The following PTPRT variants were observed in gnomAD, a reference collection of about 807,000 sequenced individuals.
PTPRT encodes the protein protein tyrosine phosphatase receptor type T, also known as receptor-type tyrosine-protein phosphatase T.
PTPRT carries 56 observed loss-of-function variants against 176.8 expected under a neutral mutation model. The observed-to-expected ratio is 0.32, with a 90% CI of 0.26 to 0.40. PTPRT has a LOEUF of 0.40. Ranked by LOEUF, PTPRT falls within the 10% of genes least tolerant of loss-of-function variation. The probability of loss-of-function intolerance (pLI) is 1.00; values close to 1 mark genes in which losing one functional copy is unlikely to be tolerated. For synonymous variants in PTPRT, 783 were observed against 739.0 expected, an observed-to-expected ratio of 1.06 and a Z score of -0.96; for missense variants, 1,540 against 1,908.2, an observed-to-expected ratio of 0.81 and a Z score of 3.60.
chr20:42,529,697 G>A (rs1298691202), intron 7 of PTPRT, among the ~76,000 whole-genome samples: 1 of 151,854 alleles, frequency 6.6e-6, no homozygotes, highest in African/African-American at 2.4e-5. Flanking sequence ...CAGTTGGCCA[G>A]GCTGGTCTCG....
intron 7 of PTPRT, among the ~76,000 whole-genome samples, chr20:42,665,108 T>C: frequency 6.6e-6 from 1 of 151,860 alleles, no homozygotes; most frequent in Non-Finnish European, 1.5e-5. Context: ...TGGGATCTAA[T>C]TAAACTAAAG....
At chr20:42,384,809 G>C (rs1355289810) in intron 9 of PTPRT, among the ~76,000 whole-genome samples, 1 of 152,154 alleles carries the variant, frequency 6.6e-6, no homozygotes, top group Non-Finnish European at 1.5e-5. Context: ...ATATCTCACT[G>C]TGGTTTTGAT....
chr20:42,042,266 G>A, the PTPRT span, among the ~76,000 whole-genome samples: 4 of 152,070 alleles, frequency 2.6e-5, no homozygotes, highest in Non-Finnish European at 5.9e-5. Flanking sequence ...AATTCACTCT[G>A]CCAAGCATTA....
At chr20:42,948,869 G>T (rs1981053811) in intron 1 of PTPRT, among the ~76,000 whole-genome samples, 1 of 152,180 alleles carries the variant, frequency 6.6e-6, no homozygotes, top group South Asian at 2.1e-4. Flanking sequence ...CTGAGCATCA[G>T]ACCCACGTAT....
chr20:42,609,200 AG>A (rs1280232089), intron 7 of PTPRT, among the ~76,000 whole-genome samples: 1 of 151,976 alleles, frequency 6.6e-6, no homozygotes, highest in Non-Finnish European at 1.5e-5. Context: ...CAGCCTCCTA[AG>A]TAGCTGGTAC....
chr20:42,766,235 T>C (rs2076980863), intron 5 of PTPRT, among the ~76,000 whole-genome samples: 1 of 152,220 alleles, frequency 6.6e-6, no homozygotes. Flanking sequence ...CAAAGTTACA[T>C]GTCTGGATTC....
chr20:42,048,676 G>A, the PTPRT span, among the ~76,000 whole-genome samples: 3 of 152,118 alleles, frequency 2.0e-5, no homozygotes, highest in East Asian at 3.9e-4. Flanking sequence ...TAGCCATTAA[G>A]TCCTCCCAGT....
At chr20:42,146,454 C>G (rs1319788276) in intron 17 of PTPRT, among the ~76,000 whole-genome samples, 1 of 152,126 alleles carries the variant, frequency 6.6e-6, no homozygotes, top group African/African-American at 2.4e-5. Context: ...AGCTTAAGGT[C>G]TCTTTATGAC....
intron 1 of PTPRT, among the ~76,000 whole-genome samples, chr20:42,955,869 G>C (rs1036926502): frequency 6.9e-6 from 1 of 144,650 alleles, no homozygotes; most frequent in African/African-American, 2.6e-5. Context: ...GGGAGGGAGG[G>C]AGGGAGGGAG....
In PTPRT at chr20:42,352,233, T is replaced by A. The variant is rs372526838; in HGVS notation, c.1613A>T (p.Gln538Leu). ...CCGGAGCTTGAACACTTTCCCCCTC[T>A]GGCTCGAGAGGTCAGCACTTGGGTC... ...SLDPSADLSS[Q>L]RGKVFKLRNE... is the part of the protein sequence containing the mutation. The change falls in exon 10 of 31, where the codon CAG becomes CTG. Residue 538 changes from glutamine to leucine, a missense_variant. By Grantham distance (113) the Gln-to-Leu change is moderately radical. Around this residue, in one of 11 missense-constraint regions of PTPRT, gnomAD observed 136 missense variants for 135.0 expected, o/e 1.01. Coordinates refer to ENST00000373187, the MANE Select transcript of PTPRT (RefSeq NM_007050.6). 27 of 1,614,164 alleles carry A rather than the reference T, an allele frequency of 1.7e-5. No individual in the cohort carries two copies. In the African/African-American group the frequency reaches 3.1e-4, roughly 18 times the overall value.
chr20:42,655,267 A>T (rs2075104430), intron 7 of PTPRT, among the ~76,000 whole-genome samples: 1 of 152,222 alleles, frequency 6.6e-6, no homozygotes, highest in South Asian at 2.1e-4. Flanking sequence ...AGGCAGGTGG[A>T]TCACTTGAGT....
chr20:42,773,416 G>A (rs527999465), intron 4 of PTPRT, among the ~76,000 whole-genome samples: 48 of 152,192 alleles, frequency 3.2e-4, no homozygotes, highest in African/African-American at 1.2e-3. Context: ...ATATCTCACT[G>A]AAACCCCCAA....
rs116446466 is a variant in PTPRT, at chr20:42,486,363, G to A, written c.1154-13801C>T. 3.5e-3 allele frequency among the ~76,000 whole-genome samples: 535 copies of A among 152,222 alleles called. 5 individuals are homozygous for A. Among genetic ancestry groups the A allele is most frequent in the African/African-American group, 0.012 (484 of 41,544 alleles). ...GCTCTCCTTAAATGTCATCAGTCTC[G>A]ATGCCTTTTCCACTTTCCATCTTCC... On this transcript the variant is annotated intron_variant, in intron 7 of 30. Transcript: ENST00000373187.
chr20:42,533,653 G>C (rs1189635445), intron 7 of PTPRT, among the ~76,000 whole-genome samples: 1 of 152,178 alleles, frequency 6.6e-6, no homozygotes, highest in East Asian at 1.9e-4. Flanking sequence ...CTCTAAAATA[G>C]GGATGATTAC....
At chr20:42,390,816 A>G (rs1269182154) in intron 9 of PTPRT, among the ~76,000 whole-genome samples, 3 of 152,218 alleles carry the variant, frequency 2.0e-5, no homozygotes, top group African/African-American at 7.2e-5. Context: ...AAGATAATAA[A>G]TATCTGTTAA....
intron 8 of PTPRT, among the ~76,000 whole-genome samples, chr20:42,470,349 T>C (rs2071171697): frequency 6.6e-6 from 1 of 152,216 alleles, no homozygotes; most frequent in African/African-American, 2.4e-5. Flanking sequence ...AACAGTTCCC[T>C]GAAGGCTCAG....
intron 11 of PTPRT, among the ~76,000 whole-genome samples, chr20:42,349,421 T>C (rs1239249875): frequency 5.3e-5 from 8 of 152,342 alleles, no homozygotes; most frequent in East Asian, 3.9e-4. Context: ...GTGTCCCCAC[T>C]GGGAATTCTC....
At chr20:42,926,239 C>T in intron 1 of PTPRT, among the ~76,000 whole-genome samples, 1 of 152,198 alleles carries the variant, frequency 6.6e-6, no homozygotes, top group Non-Finnish European at 1.5e-5. Flanking sequence ...CTTAGCCTTG[C>T]TCTGATGTCA....
chr20:42,497,306 C>T (rs994045891), intron 7 of PTPRT, among the ~76,000 whole-genome samples: 2 of 151,868 alleles, frequency 1.3e-5, no homozygotes, highest in African/African-American at 2.4e-5. Flanking sequence ...TGGCATTTTT[C>T]CCCCCCAGAA....
Sources: allele counts gnomAD v4.1 joint callset (sites outside exome capture counted in the v4.1 genomes callset), GRCh38; gene constraint gnomAD v4.1.1; regional missense constraint gnomAD v4.1.1; transcripts MANE v1.5; gene names NCBI Gene and HGNC (gene_info 2026-07-23, HGNC 2026-07-21).